The following SOX10 variants were observed in gnomAD, a reference collection of about 807,000 sequenced individuals.
SOX10 encodes the protein transcription factor SOX-10.
A neutral mutation model predicts 35.0 loss-of-function variants in SOX10; 3 were observed. The observed-to-expected ratio is 0.09, with a 90% CI of 0.04 to 0.22. The LOEUF is 0.22. Ranked by LOEUF, SOX10 falls within the 10% of genes least tolerant of loss-of-function variation. SOX10 has a pLI of 1.00. For missense variants in SOX10, 436 were observed against 655.1 expected (o/e 0.67, Z 3.65); for synonymous variants, 285 against 291.0 (o/e 0.98, Z 0.21).
In SOX10 at chr22:37,983,226, G is replaced by A; in HGVS notation, c.428+131C>T. On this transcript the variant is annotated intron_variant, in intron 2 of 3. Transcript: ENST00000396884. The surrounding 1 kb of genome is among the most constrained non-coding windows in gnomAD (Gnocchi z 9.5). ...AGGGCGGGCGCGGCCCCCACACCTG[G>A]TCTTCCAGCCCTATCCAAGGAGGAC... is the stretch of plus-strand genomic sequence containing the variant. 1 of 1,123,604 alleles carries A rather than the reference G, an allele frequency of 8.9e-7. No individual in the cohort carries two copies. Among genetic ancestry groups the A allele is most frequent in the South Asian group, 1.3e-5 (1 of 74,798 alleles). The allele number at this position is 1,123,604 out of a possible 1,614,324, so 69.6% of individuals were successfully genotyped here.
At chr22:37,977,572 G>C (rs985418326) in intron 3 of SOX10, among the ~76,000 whole-genome samples, 5 of 151,858 alleles carry the variant, frequency 3.3e-5, no homozygotes, top group African/African-American at 4.8e-5. Context: ...TGCCCTCCTC[G>C]GCCTCCCAAA....
In SOX10 at chr22:37,973,314, G is replaced by A. The variant is rs2145759988; in HGVS notation, c.*181C>T. 4 of 574,374 alleles carry A rather than the reference G, an allele frequency of 7.0e-6. No individual in the cohort carries two copies. Among genetic ancestry groups the A allele is most frequent in the East Asian group, 5.6e-5 (2 of 35,602 alleles). The allele number at this position is 574,374 out of a possible 1,614,324, so 35.6% of individuals were successfully genotyped here. A position where few individuals can be genotyped will look rare whatever the true frequency, so the allele number is the denominator to read the frequency against. The stretch of plus-strand genomic sequence containing the variant: ...GTTCTCCTGGGGCTTTGCTGCTGGA[G>A]CCTGGATGGGGCGGGTGGGTCATCA... On this transcript the variant is annotated 3_prime_UTR_variant, in exon 4 of 4. Transcript: ENST00000396884.
Position 37,973,814 on chromosome 22 carries a change from G to C in SOX10, c.1082C>G (p.Ala361Gly), listed in dbSNP as rs776999856. The C allele has an allele frequency of 3.8e-5, 60 of 1,599,356 alleles. No homozygotes were observed. Among genetic ancestry groups the C allele is most frequent in the Non-Finnish European group, 5.1e-5 (60 of 1,170,054 alleles). The change falls in exon 4 of 4, where the codon GCG (alanine) becomes GGG (glycine). Residue 361 changes from alanine (A) to glycine (G), a missense_variant. Around this residue, in one of 3 missense-constraint regions of SOX10, gnomAD observed 285 missense variants for 402.9 expected, o/e 0.71. Transcript: ENST00000396884. The part of the protein sequence containing the change: ...DAKAQVKTET[A>G]GPQGPPHYTD... Reference sequence around the variant, plus strand: ...GTAGTGTGGGGGCCCCTGGGGCCCCGCGGTCTCTGTCTTCACCTGGGCTTT... The same window carrying C: ...GTAGTGTGGGGGCCCCTGGGGCCCCCCGGTCTCTGTCTTCACCTGGGCTTT...
intron 3 of SOX10, among the ~76,000 whole-genome samples, chr22:37,976,663 G>A (rs1932229919): frequency 6.6e-6 from 1 of 152,220 alleles, no homozygotes; most frequent in Non-Finnish European, 1.5e-5. Flanking sequence ...TTTCTCATCA[G>A]TAAAATGAGA....
chr22:37,979,012 G>C (rs1192545944), intron 2 of SOX10, among the ~76,000 whole-genome samples: 1 of 152,094 alleles, frequency 6.6e-6, no homozygotes, highest in Non-Finnish European at 1.5e-5. Context: ...CCTGACCTTA[G>C]TTGATCCGCC....
chr22:37,983,580 G>C lies in SOX10; in HGVS notation c.205C>G (p.Pro69Ala). ...QDGEADDDKF[P>A]VCIREAVSQV... ...CTGACGGCCTCGCGGATGCACACGG[G>C]GAACTTGTCATCGTCCGCCTCGCCG... Residue 69 changes from proline (P) to alanine (A), a missense_variant, in exon 2 of 4, where the codon CCC (proline) becomes GCC (alanine). Pro to Ala is a conservative substitution (Grantham distance 27, BLOSUM62 -1). This residue lies in a region of SOX10 where 97 missense variants were observed against 95.5 expected (regional missense o/e 1.02). Coordinates refer to ENST00000396884, the MANE Select transcript of SOX10 (RefSeq NM_006941.4). The surrounding 1 kb of genome is among the most constrained non-coding windows in gnomAD (Gnocchi z 9.5). 1 of 1,610,406 alleles carries C rather than the reference G, an allele frequency of 6.2e-7. No homozygotes were observed. Among genetic ancestry groups the C allele is most frequent in the Non-Finnish European group, 8.5e-7 (1 of 1,179,072 alleles).
In SOX10 at chr22:37,973,947, C is replaced by T. The variant is rs1316762696; in HGVS notation, c.949G>A (p.Gly317Ser). The T allele has an allele frequency of 8.7e-6, 14 of 1,610,770 alleles. 1 individual carries two copies. Among genetic ancestry groups the T allele is most frequent in the African/African-American group, 8.0e-5 (6 of 74,938 alleles). ...PGHVSSYSAA[G>S]YGLGSALAVA... Reference sequence around the variant, plus strand: ...GCCAGGGCACTGCCCAGCCCATAGCCGGCTGCTGAGTAGCTGCTCACATGG... The same window carrying T: ...GCCAGGGCACTGCCCAGCCCATAGCTGGCTGCTGAGTAGCTGCTCACATGG... Residue 317 changes from glycine to serine, a missense_variant, in exon 4 of 4, where the codon GGC becomes AGC. By Grantham distance (56) the Gly-to-Ser change is moderately conservative. Transcript: ENST00000396884.
At position 37,972,632 on chromosome 22, in the gene SOX10, C is replaced by T. The variant is rs990501909; in HGVS notation, c.*863G>A. The T allele has an allele frequency of 1.2e-5, 2 of 172,464 alleles. No individual in the cohort carries two copies. Among genetic ancestry groups the T allele is most frequent in the Non-Finnish European group, 2.5e-5 (2 of 79,796 alleles). The allele number at this position is 172,464 out of a possible 1,614,324, so 10.7% of individuals were successfully genotyped here. A position where few individuals can be genotyped will look rare whatever the true frequency, so the allele number is the denominator to read the frequency against. The stretch of plus-strand genomic sequence containing the variant: ...GGTTAGGGCCTGAGCAGCTGTCACT[C>T]TCTGGGAAGCCCAGGGAGTGGGGCT... On this transcript the variant is annotated 3_prime_UTR_variant, in exon 4 of 4. Coordinates refer to ENST00000396884, the MANE Select transcript of SOX10 (RefSeq NM_006941.4).
chr22:37,978,450 G>A lies in SOX10; in HGVS notation c.429-315C>T, dbSNP rs1351853323. Among the ~76,000 whole-genome samples, 1 of 152,232 alleles carries A rather than the reference G, an allele frequency of 6.6e-6. No homozygotes were observed. The highest frequency in any genetic ancestry group is 1.5e-5 in the Non-Finnish European group (1 of 68,040). ...GTAGGAGTAGAGGTTTCAAGGGGCAGATGCCAGTTCAAGGAAAGGAAAAAC... is the reference window on the plus strand; with the variant it reads ...GTAGGAGTAGAGGTTTCAAGGGGCAAATGCCAGTTCAAGGAAAGGAAAAAC... On this transcript the variant is annotated intron_variant, in intron 2 of 3. Transcript: ENST00000396884. This position sits in a 1 kb window ranked among gnomAD's most constrained non-coding sequence, Gnocchi z 5.0.
chr22:37,976,557 C>A (rs550999574), intron 3 of SOX10, among the ~76,000 whole-genome samples: 5 of 152,188 alleles, frequency 3.3e-5, no homozygotes, highest in African/African-American at 1.2e-4. Context: ...ATGTGGCAGA[C>A]CTGTGTGTGT....
In SOX10 at chr22:37,983,338, G is replaced by A; in HGVS notation, c.428+19C>T. ...CCGAAGCTAGAGGGCCCGAGCCCGG[G>A]GGGCGGTCGGGTGCTCACCTCCAGA... On this transcript the variant is annotated intron_variant, in intron 2 of 3. Coordinates refer to ENST00000396884, the MANE Select transcript of SOX10 (RefSeq NM_006941.4). The surrounding 1 kb of genome is among the most constrained non-coding windows in gnomAD (Gnocchi z 9.5). 1 of 1,598,568 alleles carries A rather than the reference G, an allele frequency of 6.3e-7. No homozygotes were observed. The highest frequency in any genetic ancestry group is 8.5e-7 in the Non-Finnish European group (1 of 1,174,202).
In SOX10 at chr22:37,974,129, G is replaced by A. The variant is rs746972348; in HGVS notation, c.767C>T (p.Pro256Leu). Residue 256 changes from proline (P) to leucine (L), a missense_variant, in exon 4 of 4, where the codon CCG (proline) becomes CTG (leucine). Physicochemically the swap from Pro to Leu is moderately conservative, Grantham distance 98. Coordinates refer to ENST00000396884, the MANE Select transcript of SOX10 (RefSeq NM_006941.4). The surrounding 1 kb of genome is among the most constrained non-coding windows in gnomAD (Gnocchi z 5.4). ...KTELQSGKAD[P>L]KRDGRSMGEG... ...CCCCATGGAGCGCCCGTCCCGCTTC[G>A]GGTCTGCCTTGCCCGACTGCAGCTC... The A allele has an allele frequency of 1.6e-5, 25 of 1,612,654 alleles. No homozygotes were observed. Among genetic ancestry groups the A allele is most frequent in the East Asian group, 4.5e-5 (2 of 44,878 alleles).
chr22:37,979,307 A>G (rs897576971), intron 2 of SOX10, among the ~76,000 whole-genome samples: 31 of 151,958 alleles, frequency 2.0e-4, no homozygotes, highest in African/African-American at 7.3e-4. Context: ...CATATTGGCC[A>G]GGCTGGTCTC....
rs1932496932 is a variant in SOX10, at chr22:37,984,109, G to A, written c.-85+230C>T. ...CTTTTTTTTTAGCCTCCTTTTTTGG[G>A]TGGAGGTTTGTTGATGATAAGGAAG... On this transcript the variant is annotated intron_variant, in intron 1 of 3. Coordinates refer to ENST00000396884, the MANE Select transcript of SOX10 (RefSeq NM_006941.4). The surrounding 1 kb of genome is among the most constrained non-coding windows in gnomAD (Gnocchi z 4.4). 1 of 209,602 alleles carries A rather than the reference G, an allele frequency of 4.8e-6. No homozygotes were observed. Among genetic ancestry groups the A allele is most frequent in the East Asian group, 1.1e-4 (1 of 8,826 alleles). 13.0% of individuals were successfully genotyped at this position (209,602 alleles called of 1,614,324 possible). A position where few individuals can be genotyped will look rare whatever the true frequency, so the allele number is the denominator to read the frequency against.
chr22:37,978,829 C>T lies in SOX10; in HGVS notation c.429-694G>A, dbSNP rs986312637. Among the ~76,000 whole-genome samples, 1 of 151,982 alleles carries T rather than the reference C, an allele frequency of 6.6e-6. No individual in the cohort carries two copies. The highest frequency in any genetic ancestry group is 1.5e-5 in the Non-Finnish European group (1 of 68,004). ...TCTCACTCTGTCACCCATGCTAGAG[C>T]TCAGTGGTATGATCTCAGCTCACTG... On this transcript the variant is annotated intron_variant, in intron 2 of 3. Coordinates refer to ENST00000396884, the MANE Select transcript of SOX10 (RefSeq NM_006941.4). The surrounding 1 kb of genome is among the most constrained non-coding windows in gnomAD (Gnocchi z 5.0).
In SOX10 at chr22:37,984,469, G is replaced by A. The variant is rs1419785611; in HGVS notation, c.-215C>T. The stretch of plus-strand genomic sequence containing the variant: ...GGGAGGGAGGGGCGGGGGGCCCTGA[G>A]CCTCAGGCCACGGCCTCGTTAGGAC... On this transcript the variant is annotated 5_prime_UTR_variant, in exon 1 of 4. Transcript: ENST00000396884. The surrounding 1 kb of genome is among the most constrained non-coding windows in gnomAD (Gnocchi z 4.4). The A allele has an allele frequency of 6.5e-6, 1 of 152,928 alleles. No homozygotes were observed. Among genetic ancestry groups the A allele is most frequent in the Non-Finnish European group, 1.5e-5 (1 of 68,306 alleles). The allele number at this position is 152,928 out of a possible 1,614,324, so 9.5% of individuals were successfully genotyped here. A position where few individuals can be genotyped will look rare whatever the true frequency, so the allele number is the denominator to read the frequency against.
intron 2 of SOX10, among the ~76,000 whole-genome samples, chr22:37,979,056 C>T (rs1387025521): frequency 6.6e-6 from 1 of 151,918 alleles, no homozygotes; most frequent in East Asian, 1.9e-4. Context: ...GGATTACAGG[C>T]ATGAGCCATT....
rs1336067611 is a variant in SOX10 at position 37,983,806 on chromosome 22, C to CGCCGCCTCG, written c.-31_-23dup. ...CCATGTCGCCCCCGGCCGCCGCCGC[C>CGCCGCCTCG]GCCGCCTCGGCCGCCTCCCCCGGGC... On this transcript the variant is annotated 5_prime_UTR_variant, in exon 2 of 4. Coordinates refer to ENST00000396884, the MANE Select transcript of SOX10 (RefSeq NM_006941.4). The surrounding 1 kb of genome is among the most constrained non-coding windows in gnomAD (Gnocchi z 9.5). The CGCCGCCTCG allele has an allele frequency of 1.4e-6, 2 of 1,416,708 alleles. No individual in the cohort carries two copies. The highest frequency in any genetic ancestry group is 1.8e-6 in the Non-Finnish European group (2 of 1,084,216). 87.8% of individuals were successfully genotyped at this position (1,416,708 alleles called of 1,614,324 possible). A position where few individuals can be genotyped will look rare whatever the true frequency, so the allele number is the denominator to read the frequency against.
intron 2 of SOX10, among the ~76,000 whole-genome samples, chr22:37,981,993 T>C (rs1244526562): frequency 6.6e-6 from 1 of 152,202 alleles, no homozygotes; most frequent in Non-Finnish European, 1.5e-5. Context: ...CTGCACCTTC[T>C]ACCACTCTAA....
Sources: gnomAD v4.1 joint callset for allele counts (sites outside exome capture counted in the v4.1 genomes callset) on GRCh38, gnomAD v4.1.1 for gene constraint, gnomAD v4.1.1 regional missense constraint, Gnocchi (gnomAD v3.1) non-coding constraint, MANE v1.5 for transcripts, NCBI Gene and HGNC (gene_info 2026-07-23, HGNC 2026-07-21) for gene names.